NCL: variants seen among roughly 807,000 people sequenced by gnomAD.
The protein encoded by NCL is nucleolin multifunctional protein.
In NCL, 4 loss-of-function variants were observed where a neutral mutation model predicts 77.7. The observed-to-expected ratio is 0.05, with a 90% CI of 0.03 to 0.12. The LOEUF (loss-of-function observed/expected upper bound fraction) is 0.12. Among genes scored for constraint, NCL ranks in the 10% least tolerant of loss-of-function variants. The pLI, the probability that NCL is intolerant of heterozygous loss-of-function variation, is 1.00. For missense variants in NCL, 763 were observed against 860.9 expected, an observed-to-expected ratio of 0.89 and a Z score of 1.42; for synonymous variants, 344 against 297.8, an observed-to-expected ratio of 1.16 and a Z score of -1.60.
In NCL at chr2:231,454,032, T is replaced by A. The variant is rs190665742; in HGVS notation, c.*1159A>T. On this transcript the variant is annotated 3_prime_UTR_variant, in exon 14 of 14. Coordinates refer to ENST00000322723, the MANE Select transcript of NCL (RefSeq NM_005381.3). ...GGCAAGTACTTAAGACCAGAAAGAA[T>A]AAGCAATATACGTAGTGCAGAACAA... The A allele has an allele frequency of 2.0e-5, 3 of 152,182 alleles. No homozygotes were observed. Among genetic ancestry groups the A allele is most frequent in the African/African-American group, 7.2e-5 (3 of 41,494 alleles). The allele number at this position is 152,182 out of a possible 1,614,324, so 9.4% of individuals were successfully genotyped here.
chr2:231,464,461 G>C lies in NCL; in HGVS notation c.-108C>G, dbSNP rs1352543768. The C allele has an allele frequency of 6.9e-7, 1 of 1,445,374 alleles. No homozygotes were observed. The highest frequency in any genetic ancestry group is 1.4e-5 in the African/African-American group (1 of 70,898). 89.5% of individuals were successfully genotyped at this position (1,445,374 alleles called of 1,614,324 possible). On this transcript the variant is annotated 5_prime_UTR_variant, in exon 1 of 14. Coordinates refer to ENST00000322723, the MANE Select transcript of NCL (RefSeq NM_005381.3). Reference sequence around the variant, plus strand: ...TGAAGATCCCGGAGCACGTACACCCGAAGGCCAGCGAGAGCTCGAGACTGA... The same window carrying C: ...TGAAGATCCCGGAGCACGTACACCCCAAGGCCAGCGAGAGCTCGAGACTGA...
rs1308542700 is a variant in NCL at position 231,460,713 on chromosome 2, TCATCTTCATCATCTTCG to T, written c.750_766del (p.Asp250GlufsTer2). 6.2e-7 allele frequency: 1 copy of T among 1,611,882 alleles called. No homozygotes were observed. The highest frequency in any genetic ancestry group is 1.3e-5 in the African/African-American group (1 of 74,824). On this transcript the variant is annotated frameshift_variant, in exon 4 of 14. Transcript: ENST00000322723. LOFTEE classifies it high-confidence loss of function. ...CTCCTCCTCATCATCTTCATCATCA[TCATCTTCATCATCTTCG>T]TCGTCGTCGTCATCCTCGTCCTCAT...
rs1480386857 is a variant in NCL at position 231,454,028 on chromosome 2, A to G, written c.*1163T>C. On this transcript the variant is annotated 3_prime_UTR_variant, in exon 14 of 14. Transcript: ENST00000322723. Reference sequence around the variant, plus strand: ...GAGAGGCAAGTACTTAAGACCAGAAAGAATAAGCAATATACGTAGTGCAGA... The same window carrying G: ...GAGAGGCAAGTACTTAAGACCAGAAGGAATAAGCAATATACGTAGTGCAGA... The G allele has an allele frequency of 6.6e-6, 1 of 152,154 alleles. No homozygotes were observed. The highest frequency in any genetic ancestry group is 1.9e-4 in the East Asian group (1 of 5,198). The allele number at this position is 152,154 out of a possible 1,614,324, so 9.4% of individuals were successfully genotyped here. A position where few individuals can be genotyped will look rare whatever the true frequency, so the allele number is the denominator to read the frequency against.
chr2:231,457,158 G>C (rs2046898782), intron 9 of NCL, 34 bp from the exon 10 acceptor site: 4 of 1,612,290 alleles, frequency 2.5e-6, no homozygotes, highest in Non-Finnish European at 2.5e-6. Flanking sequence ...CTAAGACTCT[G>C]AAACAGTGGT....
intron 6 of NCL, 131 bp from the exon 7 acceptor site, chr2:231,459,256 A>G (rs1020290160): frequency 9.7e-7 from 1 of 1,026,576 alleles, no homozygotes; most frequent in Non-Finnish European, 1.3e-6. Flanking sequence ...GTATTAGCAA[A>G]ACAAAGTCAA....
chr2:231,464,308 G>C (rs931830875), intron 1 of NCL, 28 bp downstream of exon 1: 3 of 1,581,160 alleles, frequency 1.9e-6, no homozygotes, highest in African/African-American at 2.7e-5. Context: ...AGGCCTACAC[G>C]TCTGCGCTCG....
Position 231,455,441 on chromosome 2 carries a change from GCCT to G in NCL, c.2013_2015del (p.Gly672del), listed in dbSNP as rs780620829. The G allele has an allele frequency of 3.7e-6, 6 of 1,613,930 alleles. No individual in the cohort carries two copies. In the East Asian group the frequency reaches 1.1e-4, roughly 30 times the overall value. On this transcript the variant is annotated inframe_deletion, in exon 13 of 14. Coordinates refer to ENST00000322723, the MANE Select transcript of NCL (RefSeq NM_005381.3). The stretch of plus-strand genomic sequence containing the variant: ...GGCCTCTGCCACCAAATCCTCCTCG[GCCT>G]CCTCTACCACCACCTCGTCCTCCAA...
chr2:231,461,991 C>T lies in NCL; in HGVS notation c.162G>A (p.Lys54=), dbSNP rs1478636386. The change falls in exon 3 of 14, where the codon AAG becomes AAA. Residue 54 remains lysine (K), a synonymous_variant. Transcript: ENST00000322723. ...EEVVIPQKKG[K]KAAATSAKKV... ...TCTTTGCTGAGGTTGCAGCAGCCTTCTTGCCTTTCTTCTGAGGTATGACGA... is the reference window on the plus strand; with the variant it reads ...TCTTTGCTGAGGTTGCAGCAGCCTTTTTGCCTTTCTTCTGAGGTATGACGA... 2.5e-6 allele frequency: 4 copies of T among 1,614,048 alleles called. No individual in the cohort carries two copies. The highest frequency in any genetic ancestry group is 3.4e-6 in the Non-Finnish European group (4 of 1,180,040).
chr2:231,457,498 G>GT, intron 9 of NCL, 145 bp downstream of exon 9: 1 of 862,974 alleles, frequency 1.2e-6, no homozygotes, highest in Non-Finnish European at 1.9e-6. Flanking sequence ...CCAAATAAGA[G>GT]TATGACTTGG....
At chr2:231,460,006 A>T in intron 6 of NCL, 146 bp downstream of exon 6, 3 of 941,612 alleles carry the variant, frequency 3.2e-6, no homozygotes, top group Non-Finnish European at 4.8e-6. Context: ...TCTACAGTTT[A>T]ATTCTAACTT....
At chr2:231,456,209 A>AT in intron 11 of NCL, 73 bp from the exon 12 acceptor site, 1 of 1,577,386 alleles carries the variant, frequency 6.3e-7, no homozygotes, top group South Asian at 1.1e-5. Flanking sequence ...AATGCCTAGT[A>AT]TGACTACTAG....
Position 231,464,394 on chromosome 2 carries a change from G to A in NCL, c.-41C>T, listed in dbSNP as rs1483726488. 24 of 1,594,574 alleles carry A rather than the reference G, an allele frequency of 1.5e-5. No individual in the cohort carries two copies. Among genetic ancestry groups the A allele is most frequent in the Non-Finnish European group, 2.0e-5 (23 of 1,169,738 alleles). ...TGAAGCGGACAAGTGGCGCAGATGA[G>A]TCCAGAAGAAGCCAAGCGACGGCGA... is the stretch of plus-strand genomic sequence containing the variant. On this transcript the variant is annotated 5_prime_UTR_variant, in exon 1 of 14. Coordinates refer to ENST00000322723, the MANE Select transcript of NCL (RefSeq NM_005381.3).
At chr2:231,455,722 CTTGT>C (rs1300542917) in intron 12 of NCL, 98 bp from the exon 13 acceptor site, 2 of 1,411,640 alleles carry the variant, frequency 1.4e-6, no homozygotes, top group East Asian at 2.3e-5. Context: ...AGAAAGTAGC[CTTGT>C]TTATTTGGGA....
intron 2 of NCL, 27 bp downstream of exon 2, chr2:231,463,173 A>T (rs1032611307): frequency 2.0e-6 from 3 of 1,487,484 alleles, no homozygotes; most frequent in Non-Finnish European, 2.8e-6. Context: ...TTTTAACATA[A>T]TTCTGCATTA....
chr2:231,461,073 G>C (rs561730346), intron 3 of NCL, among the ~76,000 whole-genome samples: 3 of 152,210 alleles, frequency 2.0e-5, no homozygotes, highest in African/African-American at 7.2e-5. Flanking sequence ...GAGGTCAAAA[G>C]TTCGAGACCA....
At position 231,461,869 on chromosome 2, in the gene NCL, T is replaced by G. The variant is rs916335444; in HGVS notation, c.284A>C (p.Lys95Thr). 1.2e-6 allele frequency: 2 copies of G among 1,614,136 alleles called. No homozygotes were observed. The highest frequency in any genetic ancestry group is 3.3e-5 in the Admixed American group (2 of 60,002). The change falls in exon 3 of 14, where the codon AAG (lysine) becomes ACG (threonine). Residue 95 changes from lysine (K) to threonine (T), a missense_variant. Coordinates refer to ENST00000322723, the MANE Select transcript of NCL (RefSeq NM_005381.3). ...TGCTTTGGCTGGTGTAACTGTCTTC[T>G]TGGCAGGTGTTGCTGCTGCCTTTTT... ...PGKKAAATPA[K>T]KTVTPAKAVT...
chr2:231,458,822 A>G, intron 7 of NCL, 179 bp downstream of exon 7: 1 of 626,630 alleles, frequency 1.6e-6, no homozygotes, highest in Non-Finnish European at 2.4e-6. Context: ...AACACTGACA[A>G]GCAGTGCCAA....
chr2:231,462,674 T>C (rs541516584), intron 2 of NCL: 44 of 428,640 alleles, frequency 1.0e-4, no homozygotes, highest in Non-Finnish European at 1.7e-4. Context: ...TGCTCAGCTG[T>C]CTTTATAGTG....
At chr2:231,456,421 C>T in intron 11 of NCL, 1 of 1,038,724 alleles carries the variant, frequency 9.6e-7, no homozygotes. Context: ...CATGGGCAAA[C>T]TTGCTACTCT....
Sources: allele counts gnomAD v4.1 joint callset (sites outside exome capture counted in the v4.1 genomes callset), GRCh38; gene constraint gnomAD v4.1.1; transcripts MANE v1.5; gene names NCBI Gene and HGNC (gene_info 2026-07-23, HGNC 2026-07-21).